The following LRFN4 variants were observed in gnomAD, a reference collection of about 807,000 sequenced individuals.
The protein encoded by LRFN4 is leucine rich repeat and fibronectin type III domain containing 4, also known as leucine-rich repeat and fibronectin type-III domain-containing protein 4.
Under a neutral mutation model 29.0 loss-of-function variants are expected in LRFN4, and 10 were observed. That is an observed-to-expected ratio of 0.35 (90% CI 0.21 to 0.59). The LOEUF (loss-of-function observed/expected upper bound fraction) is 0.59, where lower values mean the gene tolerates loss of function less well. Among genes scored for constraint, LRFN4 ranks in the 20% least tolerant of loss-of-function variants. The pLI, the probability that LRFN4 is intolerant of heterozygous loss-of-function variation, is 0.82. For missense variants in LRFN4, 850 were observed against 907.9 expected (o/e 0.94, Z 0.82); for synonymous variants, 493 against 437.0 (o/e 1.13, Z -1.60).
At position 66,858,398 on chromosome 11, in the gene LRFN4, T is replaced by C; in HGVS notation, c.654T>C (p.Arg218=). 1 of 1,562,256 alleles carries C rather than the reference T, an allele frequency of 6.4e-7. No homozygotes were observed. Among genetic ancestry groups the C allele is most frequent in the South Asian group, 1.2e-5 (1 of 86,744 alleles). Residue 218 remains arginine, a synonymous_variant, in exon 1 of 2, where the codon CGT becomes CGC. Coordinates refer to ENST00000309602, the MANE Select transcript of LRFN4 (RefSeq NM_024036.5). The surrounding 1 kb of genome is among the most constrained non-coding windows in gnomAD (Gnocchi z 5.9). ...CGGACCCGCTTTTCTCTCGTGGGCGTGATGCAGAGGCCTCTCCCGCCCCCC... is the reference window on the plus strand; with the variant it reads ...CGGACCCGCTTTTCTCTCGTGGGCGCGATGCAGAGGCCTCTCCCGCCCCCC... ...LAPDPLFSRG[R]DAEASPAPLV... is the part of the protein sequence containing the mutation.
intron 1 of LRFN4, 69 bp from the exon 2 acceptor site, chr11:66,859,568 C>T (rs932259122): frequency 6.0e-5 from 95 of 1,593,636 alleles, no homozygotes; most frequent in East Asian, 1.8e-4. Context: ...GCTGGGAGCA[C>T]GGGAGTGGGG....
chr11:66,858,388 C>G lies in LRFN4; in HGVS notation c.644C>G (p.Ser215Cys). ...ACGCTGGCTCCGGACCCGCTTTTCT[C>G]TCGTGGGCGTGATGCAGAGGCCTCT... ...LATLAPDPLF[S>C]RGRDAEASPA... Residue 215 changes from serine (S) to cysteine (C), a missense_variant, in exon 1 of 2, where the codon TCT (serine) becomes TGT (cysteine). By Grantham distance (112) the Ser-to-Cys change is moderately radical. This residue lies in a region of LRFN4 where 744 missense variants were observed against 753.8 expected (regional missense o/e 0.99). Coordinates refer to ENST00000309602, the MANE Select transcript of LRFN4 (RefSeq NM_024036.5). The surrounding 1 kb of genome is among the most constrained non-coding windows in gnomAD (Gnocchi z 5.9). 6.4e-7 allele frequency: 1 copy of G among 1,569,050 alleles called. No homozygotes were observed. The highest frequency in any genetic ancestry group is 2.4e-5 in the East Asian group (1 of 42,534).
intron 1 of LRFN4, 128 bp from the exon 2 acceptor site, chr11:66,859,509 C>T: frequency 2.6e-6 from 4 of 1,516,140 alleles, no homozygotes; most frequent in Non-Finnish European, 3.5e-6. Flanking sequence ...GTTCACCTTC[C>T]TGAGTGAACC....
chr11:66,859,069 G>A lies in LRFN4; in HGVS notation c.1325G>A (p.Ser442Asn), dbSNP rs746648364. 4 of 1,492,970 alleles carry A rather than the reference G, an allele frequency of 2.7e-6. No individual in the cohort carries two copies. The highest frequency in any genetic ancestry group is 2.4e-5 in the East Asian group (1 of 41,830). The allele number at this position is 1,492,970 out of a possible 1,614,324, so 92.5% of individuals were successfully genotyped here. Residue 442 changes from serine to asparagine, a missense_variant, in exon 1 of 2, where the codon AGC becomes AAC. Physicochemically the swap from Ser to Asn is conservative, Grantham distance 46. Coordinates refer to ENST00000309602, the MANE Select transcript of LRFN4 (RefSeq NM_024036.5). ...VWMFQIQYNS[S>N]EDETLIYRIV... ...ATGTTCCAAATCCAGTACAACAGCA[G>A]CGAAGATGAGACCCTCATCTACCGG...
Position 66,857,620 on chromosome 11 carries a change from G to A in LRFN4, c.-125G>A. ...TCTCTGGCGGCCCTCTTGGGCCTCT[G>A]ACCCAGCCCCTCCCCGGGCCAGGCT... is the stretch of plus-strand genomic sequence containing the variant. On this transcript the variant is annotated 5_prime_UTR_variant, in exon 1 of 2. Coordinates refer to ENST00000309602, the MANE Select transcript of LRFN4 (RefSeq NM_024036.5). This position sits in a 1 kb window ranked among gnomAD's most constrained non-coding sequence, Gnocchi z 7.1. 1 of 1,138,390 alleles carries A rather than the reference G, an allele frequency of 8.8e-7. No individual in the cohort carries two copies. The highest frequency in any genetic ancestry group is 1.6e-5 in the South Asian group (1 of 61,542). The allele number at this position is 1,138,390 out of a possible 1,614,324, so 70.5% of individuals were successfully genotyped here. A position where few individuals can be genotyped will look rare whatever the true frequency, so the allele number is the denominator to read the frequency against.
At position 66,860,423 on chromosome 11, in the gene LRFN4, C is replaced by T. The variant is rs1303807246; in HGVS notation, c.*228C>T. 2.5e-5 allele frequency: 18 copies of T among 710,922 alleles called. No individual in the cohort carries two copies. The highest frequency in any genetic ancestry group is 3.8e-5 in the Non-Finnish European group (15 of 392,574). The allele number at this position is 710,922 out of a possible 1,614,324, so 44.0% of individuals were successfully genotyped here. The stretch of plus-strand genomic sequence containing the variant: ...CAGCCACCGAGGCAGGGGCTGCAGC[C>T]ACCCACTGGGAGTCTTGTTTTTATT... On this transcript the variant is annotated 3_prime_UTR_variant, in exon 2 of 2. Coordinates refer to ENST00000309602, the MANE Select transcript of LRFN4 (RefSeq NM_024036.5).
Position 66,858,607 on chromosome 11 carries a change from A to C in LRFN4, c.863A>C (p.Gln288Pro), listed in dbSNP as rs374715016. Reference protein sequence around the residue: ...CEPPLIARHTQRLWVLEGQRA... With the variant: ...CEPPLIARHTPRLWVLEGQRA... ...CCGCCCCTCATTGCCCGCCACACGC[A>C]GCGCCTCTGGGTGCTGGAAGGCCAG... Residue 288 changes from glutamine to proline, a missense_variant, in exon 1 of 2, where the codon CAG becomes CCG. This residue lies in a region of LRFN4 where 744 missense variants were observed against 753.8 expected (regional missense o/e 0.99). Coordinates refer to ENST00000309602, the MANE Select transcript of LRFN4 (RefSeq NM_024036.5). The surrounding 1 kb of genome is among the most constrained non-coding windows in gnomAD (Gnocchi z 5.9). The C allele has an allele frequency of 1.9e-5, 29 of 1,535,090 alleles. No individual in the cohort carries two copies. Among genetic ancestry groups the C allele is most frequent in the Non-Finnish European group, 2.3e-5 (26 of 1,144,102 alleles).
At position 66,859,918 on chromosome 11, in the gene LRFN4, C is replaced by T. The variant is rs762658093; in HGVS notation, c.1631C>T (p.Ala544Val). Residue 544 changes from alanine to valine, a missense_variant, in exon 2 of 2, where the codon GCC (alanine) becomes GTC (valine). Ala to Val is a moderately conservative substitution (Grantham distance 64, BLOSUM62 0). This residue lies in a region of LRFN4 where 744 missense variants were observed against 753.8 expected (regional missense o/e 0.99). Coordinates refer to ENST00000309602, the MANE Select transcript of LRFN4 (RefSeq NM_024036.5). ...GCCTTGCTGGTTCGGGGCCGGGGGG[C>T]CGGAAATGGCCGCCTCCCCCTCAAG... ...TVALLVRGRGAGNGRLPLKLS... is the reference protein window; with the variant it reads ...TVALLVRGRGVGNGRLPLKLS... 5.1e-6 allele frequency: 8 copies of T among 1,582,870 alleles called. No individual in the cohort carries two copies. The East Asian group carries it at 9.0e-5, about 18-fold the overall frequency.
At chr11:66,859,519 C>G in intron 1 of LRFN4, 118 bp from the exon 2 acceptor site, 1 of 1,534,970 alleles carries the variant, frequency 6.5e-7, no homozygotes, top group Non-Finnish European at 8.7e-7. Flanking sequence ...CTGAGTGAAC[C>G]CAAGAGCCCG....
rs1945995429 is a variant in LRFN4, at chr11:66,858,269, C to T, written c.525C>T (p.Asn175=). The T allele has an allele frequency of 6.2e-7, 1 of 1,612,304 alleles. No homozygotes were observed. The highest frequency in any genetic ancestry group is 1.3e-5 in the African/African-American group (1 of 75,068). The change falls in exon 1 of 2, where the codon AAC becomes AAT. Residue 175 remains asparagine (N), a synonymous_variant. Coordinates refer to ENST00000309602, the MANE Select transcript of LRFN4 (RefSeq NM_024036.5). This position sits in a 1 kb window ranked among gnomAD's most constrained non-coding sequence, Gnocchi z 5.9. ...CCATGCCTGCCCTGCACACCCTCAA[C>T]CTGGACCATAACCTTATTGACGCAC... ...IGAMPALHTL[N]LDHNLIDALP...
rs1356864477 is a variant in LRFN4 at position 66,858,446 on chromosome 11, C to T, written c.702C>T (p.Asn234=). The T allele has an allele frequency of 2.6e-6, 4 of 1,551,788 alleles. No individual in the cohort carries two copies. Among genetic ancestry groups the T allele is most frequent in the Admixed American group, 3.8e-5 (2 of 52,360 alleles). ...CCCTGGTGCTGAGCTTTAGCGGGAA[C>T]CCCCTGCACTGCAACTGTGAGCTGC... ...PAPLVLSFSG[N]PLHCNCELLW... Residue 234 remains asparagine (N), a synonymous_variant, in exon 1 of 2, where the codon AAC becomes AAT. Coordinates refer to ENST00000309602, the MANE Select transcript of LRFN4 (RefSeq NM_024036.5). The surrounding 1 kb of genome is among the most constrained non-coding windows in gnomAD (Gnocchi z 5.9).
rs369281952 is a variant in LRFN4, at chr11:66,860,070, G to A, written c.1783G>A (p.Gly595Ser). Residue 595 changes from glycine to serine, a missense_variant, in exon 2 of 2, where the codon GGT (glycine) becomes AGT (serine). By Grantham distance (56) the Gly-to-Ser change is moderately conservative. This residue lies in a region of LRFN4 where 744 missense variants were observed against 753.8 expected (regional missense o/e 0.99). Coordinates refer to ENST00000309602, the MANE Select transcript of LRFN4 (RefSeq NM_024036.5). ...SLDLGDAGCYGYARRLGGAWA... is the reference protein window; with the variant it reads ...SLDLGDAGCYSYARRLGGAWA... ...GGACCTGGGAGATGCCGGGTGCTACGGTTATGCCAGGCGCCTGGGAGGAGC... is the reference window on the plus strand; with the variant it reads ...GGACCTGGGAGATGCCGGGTGCTACAGTTATGCCAGGCGCCTGGGAGGAGC... 6.0e-5 allele frequency: 94 copies of A among 1,560,534 alleles called. No individual in the cohort carries two copies. Among genetic ancestry groups the A allele is most frequent in the African/African-American group, 5.0e-4 (37 of 73,600 alleles).
chr11:66,860,146 G>T lies in LRFN4; in HGVS notation c.1859G>T (p.Cys620Phe). 3 of 1,549,384 alleles carry T rather than the reference G, an allele frequency of 1.9e-6. No homozygotes were observed. Among genetic ancestry groups the T allele is most frequent in the Middle Eastern group, 3.3e-4 (2 of 5,988 alleles). The change falls in exon 2 of 2, where the codon TGC becomes TTC. Residue 620 changes from cysteine to phenylalanine, a missense_variant. Transcript: ENST00000309602. ...CATGGGGGGCTGCTCGGGGCAGGGTGCCGGGGGGTAGGAGGCAGCGCCGAG... is the reference window on the plus strand; with the variant it reads ...CATGGGGGGCTGCTCGGGGCAGGGTTCCGGGGGGTAGGAGGCAGCGCCGAG... ...SVHGGLLGAG[C>F]RGVGGSAERL...
At position 66,857,936 on chromosome 11, in the gene LRFN4, G is replaced by A; in HGVS notation, c.192G>A (p.Gly64=). 6.2e-7 allele frequency: 1 copy of A among 1,612,354 alleles called. No homozygotes were observed. Among genetic ancestry groups the A allele is most frequent in the Non-Finnish European group, 8.5e-7 (1 of 1,179,916 alleles). ...RLADNFIQAL[G]PPDFRNMTGL... ...CTGACAACTTCATCCAGGCCCTGGG[G>A]CCCCCTGACTTCCGCAACATGACGG... The change falls in exon 1 of 2, where the codon GGG becomes GGA. Residue 64 remains glycine (G), a synonymous_variant. Coordinates refer to ENST00000309602, the MANE Select transcript of LRFN4 (RefSeq NM_024036.5). The surrounding 1 kb of genome is among the most constrained non-coding windows in gnomAD (Gnocchi z 7.1).
At chr11:66,859,136 T>C (rs1454906106) in intron 1 of LRFN4, 43 bp downstream of exon 1, 1 of 1,471,096 alleles carries the variant, frequency 6.8e-7, no homozygotes, top group East Asian at 2.5e-5. Flanking sequence ...CCCGGCGCCC[T>C]TCCTCCGCCC....
Position 66,859,911 on chromosome 11 carries a change from CG to C in LRFN4, c.1630del (p.Ala544ProfsTer80), listed in dbSNP as rs1555021490. 7.6e-6 allele frequency: 12 copies of C among 1,581,342 alleles called. No homozygotes were observed. Among genetic ancestry groups the C allele is most frequent in the Admixed American group, 3.5e-5 (2 of 56,908 alleles). On this transcript the variant is annotated frameshift_variant, in exon 2 of 2. Transcript: ENST00000309602. LOFTEE classifies it high-confidence loss of function. ...VFTVALLVRG[R>X]GAGNGRLPLK... ...CACTGTGGCCTTGCTGGTTCGGGGC[CG>C]GGGGGCCGGAAATGGCCGCCTCCCC...
At position 66,858,740 on chromosome 11, in the gene LRFN4, C is replaced by T. The variant is rs1044990835; in HGVS notation, c.996C>T (p.Pro332=). 5 of 1,554,372 alleles carry T rather than the reference C, an allele frequency of 3.2e-6. No individual in the cohort carries two copies. The African/African-American group carries it at 6.8e-5, about 21-fold the overall frequency. The change falls in exon 1 of 2, where the codon CCC becomes CCT. Residue 332 remains proline (P), a synonymous_variant. Coordinates refer to ENST00000309602, the MANE Select transcript of LRFN4 (RefSeq NM_024036.5). The surrounding 1 kb of genome is among the most constrained non-coding windows in gnomAD (Gnocchi z 5.9). ...ACTCCTCCCGAGCCCGGGCTTTCCC[C>T]AACGGGACCTTAGAGATTGGGGTGA... ...VGNSSRARAF[P]NGTLEIGVTG...
rs1378761588 is a variant in LRFN4 at position 66,858,419 on chromosome 11, C to A, written c.675C>A (p.Ala225=). 1 of 1,555,038 alleles carries A rather than the reference C, an allele frequency of 6.4e-7. No homozygotes were observed. The highest frequency in any genetic ancestry group is 8.6e-7 in the Non-Finnish European group (1 of 1,156,284). ...GGCGTGATGCAGAGGCCTCTCCCGCCCCCCTGGTGCTGAGCTTTAGCGGGA... is the reference window on the plus strand; with the variant it reads ...GGCGTGATGCAGAGGCCTCTCCCGCACCCCTGGTGCTGAGCTTTAGCGGGA... The part of the protein sequence containing the change: ...SRGRDAEASP[A]PLVLSFSGNP... Residue 225 remains alanine (A), a synonymous_variant, in exon 1 of 2, where the codon GCC becomes GCA. Transcript: ENST00000309602. This position sits in a 1 kb window ranked among gnomAD's most constrained non-coding sequence, Gnocchi z 5.9.
chr11:66,858,497 G>A lies in LRFN4; in HGVS notation c.753G>A (p.Pro251=), dbSNP rs767393572. The part of the protein sequence containing the change: ...ELLWLRRLAR[P]DDLETCASPP... Reference sequence around the variant, plus strand: ...TGTGGCTGCGGCGGCTGGCGCGGCCGGACGACCTGGAAACGTGCGCCTCCC... The same window carrying A: ...TGTGGCTGCGGCGGCTGGCGCGGCCAGACGACCTGGAAACGTGCGCCTCCC... The change falls in exon 1 of 2, where the codon CCG becomes CCA. Residue 251 remains proline, a synonymous_variant. Coordinates refer to ENST00000309602, the MANE Select transcript of LRFN4 (RefSeq NM_024036.5). This position sits in a 1 kb window ranked among gnomAD's most constrained non-coding sequence, Gnocchi z 5.9. 9.8e-6 allele frequency: 15 copies of A among 1,537,630 alleles called. No homozygotes were observed. In the East Asian group the frequency reaches 2.0e-4, roughly 20 times the overall value.
Sources: gnomAD v4.1 joint callset for allele counts on GRCh38, gnomAD v4.1.1 for gene constraint, gnomAD v4.1.1 regional missense constraint, Gnocchi (gnomAD v3.1) non-coding constraint, MANE v1.5 for transcripts, NCBI Gene and HGNC (gene_info 2026-07-23, HGNC 2026-07-21) for gene names.